Variants in TXNL4A observed in about 807,000 individuals in gnomAD.
TXNL4A encodes the protein thioredoxin like 4A, also known as thioredoxin-like protein 4A.
TXNL4A carries 17 observed loss-of-function variants against 14.6 expected under a neutral mutation model. That is an observed-to-expected ratio of 1.16 (90% CI 0.80 to 1.74). TXNL4A has a LOEUF of 1.74. TXNL4A is among the 40% of genes most tolerant of loss of function. The probability of loss-of-function intolerance (pLI) is 0.00; values close to 1 mark genes in which losing one functional copy is unlikely to be tolerated. For missense variants in TXNL4A, 74 were observed against 195.2 expected, an observed-to-expected ratio of 0.38 and a Z score of 3.70; for synonymous variants, 83 against 70.6, an observed-to-expected ratio of 1.18 and a Z score of -0.88.
At chr18:80,021,671 G>A (rs1394484889) in intron 1 of TXNL4A, among the ~76,000 whole-genome samples, 1 of 152,224 alleles carries the variant, frequency 6.6e-6, no homozygotes, top group African/African-American at 2.4e-5. Flanking sequence ...TTCTGAACTA[G>A]CCTGCATTTC....
chr18:79,995,799 T>C (rs1406909879), intron 1 of TXNL4A, among the ~76,000 whole-genome samples: 1 of 152,136 alleles, frequency 6.6e-6, no homozygotes, highest in Non-Finnish European at 1.5e-5. Flanking sequence ...AGTCTGTTAC[T>C]AGTGTAAAAG....
chr18:80,013,953 G>T (rs1443826143), intron 1 of TXNL4A, among the ~76,000 whole-genome samples: 1 of 152,170 alleles, frequency 6.6e-6, no homozygotes, highest in Non-Finnish European at 1.5e-5. Flanking sequence ...TTACATGGTG[G>T]CAGCAAGACA....
At chr18:80,030,573 C>G (rs2051914169) in intron 1 of TXNL4A, 1 of 152,182 alleles carries the variant, frequency 6.6e-6, no homozygotes, top group Non-Finnish European at 1.5e-5. Flanking sequence ...CTTCCAAGGT[C>G]AGGACTGGAT....
rs151118050 is a variant in TXNL4A, at chr18:80,001,259, A to G, written c.-60-23558T>C. On this transcript the variant is annotated intron_variant, in intron 1 of 2. Transcript: ENST00000585474. Reference sequence around the variant, plus strand: ...AGAAGTCAAGAATTGAGGTTTGGGAACCTCTGCCTAGATTTCAGAGGATAT... The same window carrying G: ...AGAAGTCAAGAATTGAGGTTTGGGAGCCTCTGCCTAGATTTCAGAGGATAT... 5.3e-3 allele frequency among the ~76,000 whole-genome samples: 801 copies of G among 152,114 alleles called. 19 individuals are homozygous for G. In the East Asian group the frequency reaches 0.056, roughly 11 times the overall value.
At chr18:79,987,439 A>C (rs1435954021) in intron 1 of TXNL4A, among the ~76,000 whole-genome samples, 1 of 152,330 alleles carries the variant, frequency 6.6e-6, no homozygotes, top group East Asian at 1.9e-4. Flanking sequence ...TCTTCATTAA[A>C]AGGAATAACC....
intron 1 of TXNL4A, among the ~76,000 whole-genome samples, chr18:80,016,267 T>C (rs914627873): frequency 6.6e-6 from 1 of 152,224 alleles, no homozygotes; most frequent in Non-Finnish European, 1.5e-5. Flanking sequence ...TATTAGCCCT[T>C]TGTCAGATAA....
intron 1 of TXNL4A, chr18:79,985,853 AT>A (rs2145082872): frequency 6.6e-6 from 1 of 152,350 alleles, no homozygotes; most frequent in African/African-American, 2.4e-5. Context: ...AAGAGTCCCC[AT>A]TATCTGCCAT....
At position 80,011,239 on chromosome 18, in the gene TXNL4A, A is replaced by C. The variant is rs2051767970; in HGVS notation, c.-61+22612T>G. 6.6e-6 allele frequency among the ~76,000 whole-genome samples: 1 copy of C among 152,198 alleles called. No individual in the cohort carries two copies. The highest frequency in any genetic ancestry group is 1.5e-5 in the Non-Finnish European group (1 of 68,026). On this transcript the variant is annotated intron_variant, in intron 1 of 2. Transcript: ENST00000585474. The surrounding 1 kb of genome is among the most constrained non-coding windows in gnomAD (Gnocchi z 4.1). ...AGGCCCAAAACCAAGACTCGAATTT[A>C]TTAAAAAGGGATTGTAGCCAACTGG...
At chr18:79,987,590 T>C (rs1341565099) in intron 1 of TXNL4A, among the ~76,000 whole-genome samples, 1 of 152,202 alleles carries the variant, frequency 6.6e-6, no homozygotes, top group Admixed American at 6.5e-5. Context: ...AGAAAAAGAA[T>C]GAAATCTGGT....
At chr18:80,021,841 A>G (rs1471072992) in intron 1 of TXNL4A, among the ~76,000 whole-genome samples, 2 of 152,200 alleles carry the variant, frequency 1.3e-5, no homozygotes, top group Non-Finnish European at 2.9e-5. Context: ...GGAATTTTTA[A>G]GGTGAATTTG....
At chr18:79,975,729 GC>G (rs2051369055) in intron 2 of TXNL4A, among the ~76,000 whole-genome samples, 1 of 152,208 alleles carries the variant, frequency 6.6e-6, no homozygotes, top group African/African-American at 2.4e-5. Flanking sequence ...TTACAGAGTG[GC>G]CGAGGAACAG....
chr18:79,973,466 C>G lies in TXNL4A; in HGVS notation c.*219G>C. 2.0e-6 allele frequency: 1 copy of G among 489,586 alleles called. No homozygotes were observed. Among genetic ancestry groups the G allele is most frequent in the East Asian group, 3.3e-5 (1 of 29,864 alleles). 30.3% of individuals were successfully genotyped at this position (489,586 alleles called of 1,614,324 possible). A position where few individuals can be genotyped will look rare whatever the true frequency, so the allele number is the denominator to read the frequency against. ...AAGAATTAACTTTGACTAGGAAAAT[C>G]AGTAATCTATTCATTAAGTTTCCTG... On this transcript the variant is annotated 3_prime_UTR_variant, in exon 3 of 3. Transcript: ENST00000269601.
rs899356987 is a variant in TXNL4A, at chr18:79,971,322, ATGTT to A, written c.*2359_*2362del. On this transcript the variant is annotated 3_prime_UTR_variant, in exon 3 of 3. Transcript: ENST00000269601. ...AACTGCTGGGTCAAATGGTAACACC[ATGTT>A]TATCTTTTTTTATTTTTTTGAGACA... 11 of 152,212 alleles carry A rather than the reference ATGTT, an allele frequency of 7.2e-5. No homozygotes were observed. The highest frequency in any genetic ancestry group is 2.4e-4 in the African/African-American group (10 of 41,422). 9.4% of individuals were successfully genotyped at this position (152,212 alleles called of 1,614,324 possible).
At chr18:79,997,351 GC>G (rs1855114295) in intron 1 of TXNL4A, among the ~76,000 whole-genome samples, 1 of 151,556 alleles carries the variant, frequency 6.6e-6, no homozygotes. Context: ...CCCTGCACAA[GC>G]CCCTGCAACA....
intron 1 of TXNL4A, among the ~76,000 whole-genome samples, chr18:80,004,274 G>C (rs1023979882): frequency 6.6e-6 from 1 of 152,166 alleles, no homozygotes; most frequent in African/African-American, 2.4e-5. Flanking sequence ...CCTGCCCTGA[G>C]GGCAGCCTGA....
intron 1 of TXNL4A, among the ~76,000 whole-genome samples, chr18:80,005,079 C>T (rs2145108519): frequency 6.6e-6 from 1 of 152,360 alleles, no homozygotes; most frequent in South Asian, 2.1e-4. Context: ...GACCTAGAGA[C>T]ACAGACGTGC....
chr18:80,028,532 A>G (rs1484259877), intron 1 of TXNL4A, among the ~76,000 whole-genome samples: 1 of 152,220 alleles, frequency 6.6e-6, no homozygotes, highest in East Asian at 1.9e-4. Context: ...ACAGACCTAC[A>G]AGAGATGCCA....
At chr18:80,000,226 T>C (rs1010740307) in intron 1 of TXNL4A, among the ~76,000 whole-genome samples, 1 of 152,138 alleles carries the variant, frequency 6.6e-6, no homozygotes, top group Non-Finnish European at 1.5e-5. Context: ...GTGGGAAAGT[T>C]TGGAACTCCC....
rs1017550511 is a variant in TXNL4A at position 80,011,877 on chromosome 18, G to A, written c.-61+21974C>T. 3.9e-5 allele frequency among the ~76,000 whole-genome samples: 6 copies of A among 151,920 alleles called. No homozygotes were observed. Among genetic ancestry groups the A allele is most frequent in the Admixed American group, 6.6e-5 (1 of 15,252 alleles). ...AAGATCTTAAGTAGTTTAGACACAC[G>A]CCTTTGCTCGAGGAAATTCACAGAA... On this transcript the variant is annotated intron_variant, in intron 1 of 2. Transcript: ENST00000585474. The surrounding 1 kb of genome is among the most constrained non-coding windows in gnomAD (Gnocchi z 4.1).
Sources: gnomAD v4.1 joint callset for allele counts (sites outside exome capture counted in the v4.1 genomes callset) on GRCh38, gnomAD v4.1.1 for gene constraint, Gnocchi (gnomAD v3.1) non-coding constraint, MANE v1.5 for transcripts, NCBI Gene and HGNC (gene_info 2026-07-23, HGNC 2026-07-21) for gene names.